The following PTPRD variants were observed in gnomAD, a reference collection of about 807,000 sequenced individuals.
The protein encoded by PTPRD is protein tyrosine phosphatase receptor type D, also known as receptor-type tyrosine-protein phosphatase delta.
A neutral mutation model predicts 214.5 loss-of-function variants in PTPRD; 34 were observed. The ratio of observed to expected loss-of-function variants is 0.16; its 90% confidence interval spans 0.12 to 0.21. The LOEUF is 0.21. Among genes scored for constraint, PTPRD ranks in the 10% least tolerant of loss-of-function variants. The pLI is 1.00. For missense variants in PTPRD, 2,545 were observed against 2,398.7 expected, an observed-to-expected ratio of 1.06 and a Z score of -1.27; for synonymous variants, 1,128 against 845.7, an observed-to-expected ratio of 1.33 and a Z score of -5.79.
chr9:9,147,998 G>T (rs563552211), intron 10 of PTPRD, among the ~76,000 whole-genome samples: 1 of 152,014 alleles, frequency 6.6e-6, no homozygotes, highest in African/African-American at 2.4e-5. Context: ...TCACCTGGAG[G>T]GCTTGTTTTA....
chr9:8,798,402 T>A (rs964562534), intron 11 of PTPRD, among the ~76,000 whole-genome samples: 14 of 152,126 alleles, frequency 9.2e-5, no homozygotes. Context: ...TCAAACGGAT[T>A]AGAGAATGGA....
chr9:10,341,113 A>G (rs1184581490), intron 2 of PTPRD, 96 bp from the exon 3 acceptor site: 1 of 151,958 alleles, frequency 6.6e-6, no homozygotes, highest in Non-Finnish European at 1.5e-5. Context: ...GTATGGAAGT[A>G]CAAAAACTGA....
rs1490058204 is a variant in PTPRD at position 9,918,591 on chromosome 9, C to T, written c.-368+19916G>A. On this transcript the variant is annotated intron_variant, in intron 5 of 45. Coordinates refer to ENST00000381196, the MANE Select transcript of PTPRD (RefSeq NM_002839.4). ...TGGAAGCACAAAATACTTCAAGTAG[C>T]CAAAGCCATCCTGAGACAAAACAGC... Among the ~76,000 whole-genome samples, 9 of 152,024 alleles carry T rather than the reference C, an allele frequency of 5.9e-5. No homozygotes were observed. In the East Asian group the frequency reaches 1.7e-3, roughly 29 times the overall value.
At chr9:9,661,951 C>G (rs1326767) in intron 7 of PTPRD, among the ~76,000 whole-genome samples, 62,245 of 151,410 alleles carry the variant, frequency 0.41, 13,071 homozygotes, top group Admixed American at 0.53. Flanking sequence ...GAAGTTCTTT[C>G]CAGATTTTAT....
chr9:9,675,260 T>A (rs1253540734), intron 7 of PTPRD, among the ~76,000 whole-genome samples: 1 of 151,886 alleles, frequency 6.6e-6, no homozygotes, highest in Non-Finnish European at 1.5e-5. Flanking sequence ...TTTGTTTGTA[T>A]CAAAATCTGT....
intron 3 of PTPRD, among the ~76,000 whole-genome samples, chr9:10,059,684 A>G (rs917018301): frequency 4.6e-5 from 7 of 151,988 alleles, no homozygotes; most frequent in African/African-American, 1.7e-4. Flanking sequence ...AGATATGAGG[A>G]TTAACAAATT....
At chr9:9,428,442 A>G (rs777461564) in intron 8 of PTPRD, among the ~76,000 whole-genome samples, 24 of 152,226 alleles carry the variant, frequency 1.6e-4, no homozygotes, top group Non-Finnish European at 3.1e-4. Flanking sequence ...AGACTCCCAC[A>G]CAATAATAAT....
intron 8 of PTPRD, among the ~76,000 whole-genome samples, chr9:9,456,526 T>C (rs776654225): frequency 1.3e-5 from 2 of 151,834 alleles, no homozygotes; most frequent in Admixed American, 1.3e-4. Context: ...CCAAACCAGA[T>C]GGCAGAAAGA....
chr9:9,192,234 G>A (rs570907507), intron 9 of PTPRD, among the ~76,000 whole-genome samples: 2 of 151,888 alleles, frequency 1.3e-5, no homozygotes, highest in South Asian at 4.2e-4. Context: ...TAAAAAAAAA[G>A]CTGTAAGAAA....
chr9:8,527,451 C>A, intron 15 of PTPRD, 98 bp from the exon 16 acceptor site: 1 of 1,004,098 alleles, frequency 1.0e-6, no homozygotes, highest in South Asian at 1.4e-5. Context: ...GCTTTATATA[C>A]TAAATCATCT....
intron 7 of PTPRD, among the ~76,000 whole-genome samples, chr9:9,650,999 A>T (rs1419007140): frequency 6.6e-6 from 1 of 152,126 alleles, no homozygotes. Flanking sequence ...CAAATAATTT[A>T]TCTTCGCAAA....
chr9:9,965,808 T>G (rs538709382), intron 4 of PTPRD, among the ~76,000 whole-genome samples: 1 of 152,162 alleles, frequency 6.6e-6, no homozygotes, highest in South Asian at 2.1e-4. Context: ...CATTAAAACT[T>G]AGAGCTCTTG....
chr9:10,258,043 A>G (rs529631251), intron 3 of PTPRD, among the ~76,000 whole-genome samples: 1 of 152,236 alleles, frequency 6.6e-6, no homozygotes, highest in Non-Finnish European at 1.5e-5. Flanking sequence ...AAGGTGGTGG[A>G]GAGAAAGTGA....
At chr9:9,649,991 A>G (rs1005035332) in intron 7 of PTPRD, among the ~76,000 whole-genome samples, 1 of 152,146 alleles carries the variant, frequency 6.6e-6, no homozygotes, top group Non-Finnish European at 1.5e-5. Context: ...AAAGCATGCC[A>G]GGGGTAGAAT....
chr9:9,081,440 G>A (rs902915548), intron 10 of PTPRD, among the ~76,000 whole-genome samples: 3 of 152,098 alleles, frequency 2.0e-5, no homozygotes, highest in African/African-American at 4.8e-5. Flanking sequence ...TAGAATAAGT[G>A]TGATGCACTC....
chr9:10,491,284 G>C (rs1368446436), intron 2 of PTPRD, among the ~76,000 whole-genome samples: 3 of 151,954 alleles, frequency 2.0e-5, no homozygotes, highest in Admixed American at 2.0e-4. Flanking sequence ...AAATTTAATG[G>C]ACAAGACCAC....
chr9:10,156,074 ATGTT>A (rs1261967886), intron 3 of PTPRD, among the ~76,000 whole-genome samples: 1 of 86,868 alleles, frequency 1.2e-5, no homozygotes, highest in African/African-American at 4.5e-5. Context: ...GCTCTTTTGA[ATGTT>A]TGTGTGTGTG....
At chr9:9,618,598 C>A (rs908437093) in intron 7 of PTPRD, among the ~76,000 whole-genome samples, 8 of 151,608 alleles carry the variant, frequency 5.3e-5, no homozygotes, top group Non-Finnish European at 1.0e-4. Context: ...GGAAACTGTA[C>A]TGTTAAAGAG....
At chr9:9,462,909 A>G (rs137879416) in intron 8 of PTPRD, among the ~76,000 whole-genome samples, 1 of 152,182 alleles carries the variant, frequency 6.6e-6, no homozygotes, top group African/African-American at 2.4e-5. Flanking sequence ...AAATGAAAGA[A>G]TCATCACATC....
Sources: allele counts gnomAD v4.1 joint callset (sites outside exome capture counted in the v4.1 genomes callset), GRCh38; gene constraint gnomAD v4.1.1; transcripts MANE v1.5; gene names NCBI Gene and HGNC (gene_info 2026-07-23, HGNC 2026-07-21).